SASH1: variants seen among roughly 807,000 people sequenced by gnomAD.
SASH1 encodes the protein SAM and SH3 domain-containing protein 1.
Under a neutral mutation model 125.2 loss-of-function variants are expected in SASH1, and 44 were observed. The ratio of observed to expected loss-of-function variants is 0.35; its 90% confidence interval spans 0.28 to 0.45. The LOEUF (loss-of-function observed/expected upper bound fraction) is 0.45, where lower values mean the gene tolerates loss of function less well. SASH1 is among the 20% of genes least tolerant of loss of function. The probability of loss-of-function intolerance (pLI) is 1.00; values close to 1 mark genes in which losing one functional copy is unlikely to be tolerated. For missense variants in SASH1, 1,426 were observed against 1,614.5 expected, an observed-to-expected ratio of 0.88 and a Z score of 2.00; for synonymous variants, 639 against 649.1, an observed-to-expected ratio of 0.98 and a Z score of 0.24.
the SASH1 span, among the ~76,000 whole-genome samples, chr6:148,222,395 C>CTCCT: frequency 6.6e-6 from 1 of 152,126 alleles, no homozygotes; most frequent in East Asian, 1.9e-4. Context: ...GCTGGAGGTA[C>CTCCT]TCCTCTCTCT....
In SASH1 at chr6:148,314,085, G is replaced by A. The variant is rs529730415; in HGVS notation, n.74+41708G>A. Among the ~76,000 whole-genome samples the A allele has an allele frequency of 5.9e-5, 9 of 152,298 alleles. No individual in the cohort carries two copies. The South Asian group carries it at 1.9e-3, about 32-fold the overall frequency. On this transcript the variant is annotated intron_variant and non_coding_transcript_variant, in intron 1 of 3. Coordinates refer to the SASH1 transcript ENST00000367469. ...TGGTCTAGAGAGAAAACAAAAAGGA[G>A]TGGGATGTAGCCCAAGCGACACTGG...
At chr6:148,234,309 G>T in the SASH1 span, among the ~76,000 whole-genome samples, 6 of 151,342 alleles carry the variant, frequency 4.0e-5, no homozygotes, top group East Asian at 1.2e-3. Flanking sequence ...TCTTTAAAAA[G>T]CTAGCAAACT....
intron 1 of SASH1, among the ~76,000 whole-genome samples, chr6:148,325,924 T>C (rs1780783117): frequency 6.6e-6 from 1 of 152,104 alleles, no homozygotes; most frequent in Non-Finnish European, 1.5e-5. Flanking sequence ...TCAAATTTCA[T>C]CTTCTTCTAG....
At chr6:148,252,274 C>G in the SASH1 span, among the ~76,000 whole-genome samples, 5 of 152,126 alleles carry the variant, frequency 3.3e-5, no homozygotes, top group Admixed American at 6.5e-5. Context: ...AGTATATGTA[C>G]AGTAATGCAT....
chr6:148,519,406 T>G lies in SASH1; in HGVS notation c.863-141T>G. 1 of 632,720 alleles carries G rather than the reference T, an allele frequency of 1.6e-6. No homozygotes were observed. The highest frequency in any genetic ancestry group is 2.1e-5 in the South Asian group (1 of 48,766). The allele number at this position is 632,720 out of a possible 1,614,324, so 39.2% of individuals were successfully genotyped here. On this transcript the variant is annotated intron_variant, in intron 9 of 19. Coordinates refer to ENST00000367467, the MANE Select transcript of SASH1 (RefSeq NM_015278.5). The surrounding 1 kb of genome is among the most constrained non-coding windows in gnomAD (Gnocchi z 4.8). ...GAAACCATGTATTTGCACAGTGTATTTTCATTTTTCTGTACATATGTAAGT... is the reference window on the plus strand; with the variant it reads ...GAAACCATGTATTTGCACAGTGTATGTTCATTTTTCTGTACATATGTAAGT...
intron 1 of SASH1, among the ~76,000 whole-genome samples, chr6:148,377,804 G>A (rs1782971997): frequency 6.6e-6 from 1 of 152,176 alleles, no homozygotes. Flanking sequence ...CCTTCCTGTT[G>A]GAGGAGTGAG....
At chr6:148,404,383 C>G (rs911267318) in intron 2 of SASH1, among the ~76,000 whole-genome samples, 9 of 152,032 alleles carry the variant, frequency 5.9e-5, no homozygotes, top group African/African-American at 2.2e-4. Flanking sequence ...CTTATGTAAA[C>G]CTATTTTTTA....
chr6:148,413,020 C>T (rs1246804564), intron 2 of SASH1, among the ~76,000 whole-genome samples: 1 of 152,164 alleles, frequency 6.6e-6, no homozygotes, highest in Non-Finnish European at 1.5e-5. Context: ...GTTGAATGCA[C>T]AGTTCTTTAC....
At chr6:148,232,117 A>G in the SASH1 span, among the ~76,000 whole-genome samples, 1 of 152,152 alleles carries the variant, frequency 6.6e-6, no homozygotes, top group African/African-American at 2.4e-5. Flanking sequence ...CAAGAGTTGT[A>G]GTGGCAGATA....
intron 1 of SASH1, among the ~76,000 whole-genome samples, chr6:148,326,416 T>TTTCTTTTCTC (rs1780831156): frequency 7.5e-6 from 1 of 134,048 alleles, no homozygotes; most frequent in African/African-American, 2.8e-5. Flanking sequence ...TTTCTTTTCT[T>TTTCTTTTCTC]TTTTTTGAGA....
the SASH1 span, among the ~76,000 whole-genome samples, chr6:148,229,314 G>T: frequency 6.6e-6 from 1 of 152,032 alleles, no homozygotes; most frequent in East Asian, 1.9e-4. Flanking sequence ...ACTTGGGGAG[G>T]GTTAGTGGAC....
chr6:148,309,392 C>A (rs1411882626), intron 1 of SASH1, among the ~76,000 whole-genome samples: 1 of 152,150 alleles, frequency 6.6e-6, no homozygotes. Flanking sequence ...GGCTTGCCTG[C>A]ACTAGCTTAT....
chr6:148,426,676 C>G (rs149046589), intron 2 of SASH1, among the ~76,000 whole-genome samples: 1 of 152,060 alleles, frequency 6.6e-6, no homozygotes, highest in Admixed American at 6.6e-5. Flanking sequence ...GTTTTATCCT[C>G]GTTGACTTAT....
At chr6:148,505,497 G>GACCATGTTTC (rs1779746851) in intron 8 of SASH1, among the ~76,000 whole-genome samples, 1 of 152,062 alleles carries the variant, frequency 6.6e-6, no homozygotes, top group Non-Finnish European at 1.5e-5. Context: ...TTTTAGTAGA[G>GACCATGTTTC]ACCATGTTTC....
rs35272119 is a variant in SASH1, at chr6:148,435,378, C to CA, written c.286-4787dup. ...TGGGAGACAGAGCCAGACTCTGACTCAAAAAAAAAAAAAAAAAAAGGATAG... is the reference window on the plus strand; with the variant it reads ...TGGGAGACAGAGCCAGACTCTGACTCAAAAAAAAAAAAAAAAAAAAGGATAG... On this transcript the variant is annotated intron_variant, in intron 2 of 19. Transcript: ENST00000367467. 2.9e-3 allele frequency among the ~76,000 whole-genome samples: 304 copies of CA among 104,320 alleles called. 2 individuals are homozygous for CA. Among genetic ancestry groups the CA allele is most frequent in the Middle Eastern group, 9.7e-3 (2 of 206 alleles). 68.4% of individuals were successfully genotyped at this position (104,320 alleles called of 152,430 possible). A position where few individuals can be genotyped will look rare whatever the true frequency, so the allele number is the denominator to read the frequency against.
intron 19 of SASH1, 61 bp downstream of exon 19, chr6:148,546,207 A>C: frequency 6.4e-7 from 1 of 1,563,936 alleles, no homozygotes; most frequent in Non-Finnish European, 8.7e-7. Flanking sequence ...CTTAGTGATG[A>C]CCATACTAAC....
chr6:148,421,926 T>C (rs906051162), intron 2 of SASH1, among the ~76,000 whole-genome samples: 1 of 152,236 alleles, frequency 6.6e-6, no homozygotes, highest in Non-Finnish European at 1.5e-5. Flanking sequence ...TGTTTATTTA[T>C]CAGCACTTTT....
At chr6:148,422,623 A>G (rs899486070) in intron 2 of SASH1, among the ~76,000 whole-genome samples, 8 of 152,272 alleles carry the variant, frequency 5.3e-5, no homozygotes, top group Non-Finnish European at 1.0e-4. Context: ...TTGCCATTCA[A>G]TAAATGGGTA....
chr6:148,512,511 C>G (rs1780206286), intron 8 of SASH1: 1 of 985,150 alleles, frequency 1.0e-6, no homozygotes, highest in Non-Finnish European at 1.2e-6. Context: ...ACCAAGTTCT[C>G]ATTCCTCTGG....
Sources: allele counts gnomAD v4.1 joint callset (sites outside exome capture counted in the v4.1 genomes callset), GRCh38; gene constraint gnomAD v4.1.1; non-coding constraint Gnocchi (gnomAD v3.1); transcripts MANE v1.5; gene names NCBI Gene and HGNC (gene_info 2026-07-23, HGNC 2026-07-21).